Variants in ATP8B1 observed in about 807,000 individuals in gnomAD.
ATP8B1 encodes phospholipid-transporting ATPase IC.
A neutral mutation model predicts 149.9 loss-of-function variants in ATP8B1; 80 were observed. The observed-to-expected ratio is 0.53, with a 90% CI of 0.45 to 0.64. The LOEUF is 0.64. ATP8B1 is among the 30% of genes least tolerant of loss of function. The probability of loss-of-function intolerance (pLI) is 0.00; values close to 1 mark genes in which losing one functional copy is unlikely to be tolerated. For synonymous variants in ATP8B1, 536 were observed against 562.8 expected (o/e 0.95, Z 0.67); for missense variants, 1,247 against 1,552.6 (o/e 0.80, Z 3.31).
At chr18:57,679,365 C>A (rs979609354) in intron 15 of ATP8B1, among the ~76,000 whole-genome samples, 1 of 152,056 alleles carries the variant, frequency 6.6e-6, no homozygotes, top group Non-Finnish European at 1.5e-5. Context: ...GCACATGTAT[C>A]CCCTGAACCT....
intron 2 of ATP8B1, among the ~76,000 whole-genome samples, chr18:57,720,721 G>A (rs1397479866): frequency 1.6e-5 from 2 of 126,612 alleles, no homozygotes; most frequent in African/African-American, 3.0e-5. Context: ...GCAGGCCAAC[G>A]TTCAGATTCA....
At chr18:57,649,888 C>T (rs867199782) in intron 27 of ATP8B1, among the ~76,000 whole-genome samples, 2 of 152,110 alleles carry the variant, frequency 1.3e-5, no homozygotes, top group African/African-American at 2.4e-5. Flanking sequence ...TGGCAAGAAC[C>T]AGCCCAATCC....
chr18:57,674,678 G>A (rs571532333), intron 16 of ATP8B1, among the ~76,000 whole-genome samples, 156 bp downstream of exon 16: 2 of 152,242 alleles, frequency 1.3e-5, no homozygotes, highest in East Asian at 3.9e-4. Flanking sequence ...GAGCCACCAC[G>A]CCCAGCCAAC....
At chr18:57,681,120 C>T (rs1165177790) in intron 15 of ATP8B1, among the ~76,000 whole-genome samples, 1 of 152,138 alleles carries the variant, frequency 6.6e-6, no homozygotes, top group Admixed American at 6.5e-5. Context: ...TAGGACAGAA[C>T]TCTTCTTGGG....
intron 6 of ATP8B1, among the ~76,000 whole-genome samples, chr18:57,698,675 C>G (rs72946007): frequency 1.1e-4 from 16 of 152,332 alleles, no homozygotes; most frequent in Non-Finnish European, 2.4e-4. Context: ...GACAAAGACA[C>G]TGTATTCCCT....
At chr18:57,753,143 G>A (rs991602965) in intron 1 of ATP8B1, among the ~76,000 whole-genome samples, 4 of 152,222 alleles carry the variant, frequency 2.6e-5, no homozygotes, top group Non-Finnish European at 5.9e-5. Context: ...TCTCTCTTGT[G>A]TCAACAAGGG....
chr18:57,653,156 G>C (rs1333699414), intron 24 of ATP8B1, among the ~76,000 whole-genome samples: 1 of 151,662 alleles, frequency 6.6e-6, no homozygotes, highest in Non-Finnish European at 1.5e-5. Context: ...TTTAAGAATT[G>C]GTATTAGATA....
intron 22 of ATP8B1, among the ~76,000 whole-genome samples, chr18:57,657,818 G>A (rs1167721586): frequency 1.3e-5 from 2 of 152,110 alleles, no homozygotes; most frequent in Non-Finnish European, 2.9e-5. Context: ...CAACCTTCCC[G>A]CTGAGCAGAC....
chr18:57,647,396 T>C lies in ATP8B1; in HGVS notation c.*1092A>G, dbSNP rs745597887. ...ATTTTCCTTGATTAAATAGAATTAA[T>C]AAACCAATATGAGGAAACATGAAAC... On this transcript the variant is annotated 3_prime_UTR_variant, in exon 28 of 28. Coordinates refer to ENST00000648908, the MANE Select transcript of ATP8B1 (RefSeq NM_001374385.1). 13 of 152,168 alleles carry C rather than the reference T, an allele frequency of 8.5e-5. No individual in the cohort carries two copies. The highest frequency in any genetic ancestry group is 1.9e-4 in the Non-Finnish European group (13 of 68,030). 9.4% of individuals were successfully genotyped at this position (152,168 alleles called of 1,614,324 possible).
chr18:57,751,970 C>T (rs2080025132), intron 1 of ATP8B1, among the ~76,000 whole-genome samples: 1 of 151,924 alleles, frequency 6.6e-6, no homozygotes, highest in Non-Finnish European at 1.5e-5. Flanking sequence ...CTTTGGAGGG[C>T]CGAGGTGGGC....
intron 2 of ATP8B1, among the ~76,000 whole-genome samples, chr18:57,712,813 T>C (rs948743928): frequency 6.6e-6 from 1 of 151,744 alleles, no homozygotes; most frequent in African/African-American, 2.4e-5. Context: ...TCAGCCACAG[T>C]AGGATAGGGC....
chr18:57,658,289 A>G (rs1910146141), intron 22 of ATP8B1, among the ~76,000 whole-genome samples: 1 of 152,156 alleles, frequency 6.6e-6, no homozygotes, highest in African/African-American at 2.4e-5. Flanking sequence ...ACCTCAGGTG[A>G]TCTGCCTGCC....
chr18:57,793,776 G>A (rs931806151), intron 1 of ATP8B1, among the ~76,000 whole-genome samples: 3 of 152,068 alleles, frequency 2.0e-5, no homozygotes, highest in African/African-American at 7.2e-5. Context: ...ACCTTCTCAA[G>A]GAGGTTCCAC....
chr18:57,663,652 TTTTGA>T (rs1339489798), intron 20 of ATP8B1, among the ~76,000 whole-genome samples: 34 of 152,252 alleles, frequency 2.2e-4, no homozygotes, highest in Non-Finnish European at 4.9e-4. Flanking sequence ...CTTGCTTTGG[TTTTGA>T]TTTATCTTCC....
chr18:57,664,357 A>T (rs920227455), intron 20 of ATP8B1, among the ~76,000 whole-genome samples: 6 of 151,618 alleles, frequency 4.0e-5, no homozygotes, highest in Admixed American at 3.3e-4. Context: ...AAATACAAAA[A>T]TTACCCAGGC....
Position 57,777,684 on chromosome 18 carries a change from T to G in ATP8B1, c.-26+25314A>C, listed in dbSNP as rs535798432. Among the ~76,000 whole-genome samples the G allele has an allele frequency of 2.0e-5, 3 of 152,284 alleles. No homozygotes were observed. The South Asian group carries it at 6.2e-4, about 32-fold the overall frequency. ...CCCAGGCTGAAGTGATCCTCCCACC[T>G]CGGCTTCTCAAGTAGCTGGGATTAC... On this transcript the variant is annotated intron_variant, in intron 1 of 27. Coordinates refer to ENST00000648908, the MANE Select transcript of ATP8B1 (RefSeq NM_001374385.1).
intron 2 of ATP8B1, among the ~76,000 whole-genome samples, chr18:57,713,918 C>T (rs946080649): frequency 3.9e-5 from 6 of 152,080 alleles, no homozygotes; most frequent in East Asian, 1.9e-4. Context: ...TGAGACACTG[C>T]GCCCAGCCTG....
chr18:57,745,839 T>A (rs2079959025), intron 1 of ATP8B1, among the ~76,000 whole-genome samples: 1 of 151,824 alleles, frequency 6.6e-6, no homozygotes, highest in Non-Finnish European at 1.5e-5. Context: ...TGAGAAAATT[T>A]TTGTAAAGAC....
chr18:57,706,384 G>C, intron 3 of ATP8B1, 106 bp downstream of exon 3: 8 of 832,358 alleles, frequency 9.6e-6, no homozygotes, highest in Non-Finnish European at 1.6e-5. Flanking sequence ...GTAGCCCCAG[G>C]CAGGTGGTTA....
Sources: allele counts gnomAD v4.1 joint callset (sites outside exome capture counted in the v4.1 genomes callset), GRCh38; gene constraint gnomAD v4.1.1; transcripts MANE v1.5; gene names NCBI Gene and HGNC (gene_info 2026-07-23, HGNC 2026-07-21).